Variants in OPHN1 observed in about 807,000 individuals in gnomAD.
The protein encoded by OPHN1 is oligophrenin-1.
OPHN1 carries 11 observed loss-of-function variants against 60.7 expected under a neutral mutation model. The observed-to-expected ratio is 0.18, with a 90% confidence interval of 0.11 to 0.30. The LOEUF is 0.30. OPHN1 is among the 10% of genes least tolerant of loss of function. The pLI is 1.00. For missense variants in OPHN1, 449 were observed against 611.0 expected (o/e 0.73, Z 2.80); for synonymous variants, 226 against 222.6 (o/e 1.02, Z -0.14).
intron 2 of OPHN1, among the ~76,000 whole-genome samples, chrX:68,374,607 A>C (rs1244310252): frequency 9.1e-6 from 1 of 110,348 alleles, no homozygotes. Context: ...ATGCATCACT[A>C]TGCCTGGCTA....
intron 5 of OPHN1, among the ~76,000 whole-genome samples, chrX:68,267,810 G>C (rs2077940376): frequency 9.0e-6 from 1 of 111,663 alleles, no homozygotes; most frequent in Non-Finnish European, 1.9e-5. Flanking sequence ...GAATAAAAGA[G>C]AGAAGTATCA....
intron 3 of OPHN1, among the ~76,000 whole-genome samples, chrX:68,287,337 TA>T (rs369103492): frequency 0.081 from 5,676 of 70,259 alleles, 495 homozygotes; most frequent in African/African-American, 0.25. Context: ...GAAAAGAAAT[TA>T]AAAAAAAAAA....
chrX:68,123,341 A>G (rs1405055859), intron 15 of OPHN1, among the ~76,000 whole-genome samples: 1 of 112,184 alleles, frequency 8.9e-6, no homozygotes, highest in East Asian at 2.8e-4. Context: ...AGAGTACTTC[A>G]TTCAGAAAGA....
intron 15 of OPHN1, among the ~76,000 whole-genome samples, chrX:68,157,954 C>CT (rs1286065460): frequency 1.8e-5 from 2 of 110,881 alleles, no homozygotes; most frequent in Non-Finnish European, 3.8e-5. Flanking sequence ...TCTTTTTTTT[C>CT]TTTTTTTTCT....
At chrX:68,265,334 C>A (rs1342342163) in intron 5 of OPHN1, among the ~76,000 whole-genome samples, 2 of 111,625 alleles carry the variant, frequency 1.8e-5, no homozygotes, top group African/African-American at 3.3e-5. Context: ...GACAAAACTT[C>A]CAGAGGAATG....
At chrX:68,416,795 C>T (rs1052500549) in intron 2 of OPHN1, among the ~76,000 whole-genome samples, 1 of 112,194 alleles carries the variant, frequency 8.9e-6, no homozygotes, top group South Asian at 3.7e-4. Flanking sequence ...CCCTGCCCCA[C>T]CCAACAACAG....
chrX:68,242,611 CTTGGTGACCAA>C (rs2077786863), intron 5 of OPHN1, among the ~76,000 whole-genome samples: 1 of 111,128 alleles, frequency 9.0e-6, no homozygotes, highest in Admixed American at 9.7e-5. Context: ...CAAGCAGATA[CTTGGTGACCAA>C]TGTTCCCTGT....
At chrX:68,269,275 G>A (rs891615758) in intron 5 of OPHN1, among the ~76,000 whole-genome samples, 18 of 111,275 alleles carry the variant, frequency 1.6e-4, no homozygotes, top group South Asian at 7.6e-4. Flanking sequence ...AGCCCACATC[G>A]CCAAGTCAAT....
intron 15 of OPHN1, among the ~76,000 whole-genome samples, chrX:68,170,080 T>G (rs1175729352): frequency 4.6e-5 from 5 of 109,160 alleles, no homozygotes; most frequent in Non-Finnish European, 9.5e-5. Context: ...CAAACAAATT[T>G]ACAAGAAAAA....
chrX:68,184,193 A>G (rs2077451086), intron 15 of OPHN1, among the ~76,000 whole-genome samples: 1 of 111,807 alleles, frequency 8.9e-6, no homozygotes, highest in African/African-American at 3.3e-5. Context: ...CTTAAAGTAT[A>G]ATAGTAATAA....
At chrX:68,317,926 C>CA (rs774002814) in intron 2 of OPHN1, among the ~76,000 whole-genome samples, 169 of 110,959 alleles carry the variant, frequency 1.5e-3, no homozygotes, top group Non-Finnish European at 1.7e-3. Flanking sequence ...AACAAACAAA[C>CA]AAAAAACTAT....
In OPHN1 at chrX:68,084,866, C is replaced by A. The variant is rs73524631; in HGVS notation, c.1687-11567G>T. On this transcript the variant is annotated intron_variant, in intron 19 of 24. Transcript: ENST00000355520. ...CTTGGTAGGCTTAAAACCACACTCT[C>A]TTTAAGTGAGAAAAGTCTAGAAAAG... 9.2e-3 allele frequency among the ~76,000 whole-genome samples: 1,030 copies of A among 112,019 alleles called. 14 individuals are homozygous for A. Among genetic ancestry groups the A allele is most frequent in the African/African-American group, 0.032 (970 of 30,780 alleles).
intron 2 of OPHN1, among the ~76,000 whole-genome samples, chrX:68,393,886 T>C (rs12838496): frequency 6.7e-5 from 2 of 30,051 alleles, no homozygotes; most frequent in East Asian, 2.0e-3. Flanking sequence ...ATAGACTTTG[T>C]TTTTTTTTTT....
intron 15 of OPHN1, among the ~76,000 whole-genome samples, chrX:68,122,787 A>C (rs1208328904): frequency 9.0e-6 from 1 of 110,649 alleles, no homozygotes; most frequent in African/African-American, 3.3e-5. Context: ...CTATTCGAAA[A>C]TACACATTTA....
At chrX:68,380,680 G>A (rs1463358435) in intron 2 of OPHN1, among the ~76,000 whole-genome samples, 2 of 111,083 alleles carry the variant, frequency 1.8e-5, no homozygotes, top group East Asian at 5.7e-4. Flanking sequence ...CCTTCATTTC[G>A]TTATGTACCC....
At chrX:68,309,072 C>T (rs1383762103) in intron 2 of OPHN1, among the ~76,000 whole-genome samples, 1 of 111,439 alleles carries the variant, frequency 9.0e-6, no homozygotes, top group East Asian at 2.8e-4. Context: ...CAAGTGTGAG[C>T]CACTGCGCCC....
rs1555941260 is a variant in OPHN1, at chrX:68,125,960, T to TACATACAC, written c.1277-6629_1277-6628insGTGTATGT. On this transcript the variant is annotated intron_variant, in intron 15 of 24. Transcript: ENST00000355520. ...ATATATATATATATATATATATACA[T>TACATACAC]ACACACACACACACACACATATATA... Among the ~76,000 whole-genome samples the TACATACAC allele has an allele frequency of 1.6e-3, 126 of 76,891 alleles. 1 individual carries two copies. The highest frequency in any genetic ancestry group is 2.7e-3 in the Non-Finnish European group (106 of 39,999). 66.8% of individuals were successfully genotyped at this position (76,891 alleles called of 115,157 possible). A position where few individuals can be genotyped will look rare whatever the true frequency, so the allele number is the denominator to read the frequency against.
intron 15 of OPHN1, among the ~76,000 whole-genome samples, chrX:68,164,781 G>A (rs1195540754): frequency 1.8e-5 from 2 of 111,894 alleles, no homozygotes; most frequent in Non-Finnish European, 3.8e-5. Flanking sequence ...GTCCTACATA[G>A]GACTTTCACT....
chrX:68,097,111 G>A, intron 18 of OPHN1, 82 bp from the exon 19 acceptor site: 1 of 955,115 alleles, frequency 1.0e-6, no homozygotes, highest in Non-Finnish European at 1.4e-6. Flanking sequence ...TGCTGTAGAG[G>A]GTAAGAGAAA....
Sources: gnomAD v4.1 joint callset for allele counts (sites outside exome capture counted in the v4.1 genomes callset) on GRCh38, gnomAD v4.1.1 for gene constraint, MANE v1.5 for transcripts, NCBI Gene and HGNC (gene_info 2026-07-23, HGNC 2026-07-21) for gene names.